The following USP3 variants were observed in gnomAD, a reference collection of about 807,000 sequenced individuals.
USP3 encodes the protein ubiquitin specific peptidase 3, also known as ubiquitin carboxyl-terminal hydrolase 3.
USP3 carries 20 observed loss-of-function variants against 72.3 expected under a neutral mutation model. The ratio of observed to expected loss-of-function variants is 0.28; its 90% CI spans 0.19 to 0.40. The LOEUF (loss-of-function observed/expected upper bound fraction) is 0.40. USP3 is among the 10% of genes least tolerant of loss of function. USP3 has a pLI of 1.00. For missense variants in USP3, 479 were observed against 633.9 expected (o/e 0.76, Z 2.62); for synonymous variants, 222 against 225.3 (o/e 0.99, Z 0.13).
chr15:63,511,410 C>G (rs2065780376), intron 1 of USP3, among the ~76,000 whole-genome samples: 1 of 151,924 alleles, frequency 6.6e-6, no homozygotes, highest in Non-Finnish European at 1.5e-5. Context: ...AGTTCCACAT[C>G]TCAAAAATTA....
chr15:63,563,404 T>C (rs1215863741), intron 8 of USP3, among the ~76,000 whole-genome samples: 1 of 152,230 alleles, frequency 6.6e-6, no homozygotes, highest in Non-Finnish European at 1.5e-5. Context: ...TGGTATTATA[T>C]GAACTGTTCG....
chr15:63,522,190 ATGACTTCTAGTCT>A (rs1355537229), intron 1 of USP3, among the ~76,000 whole-genome samples: 5 of 152,310 alleles, frequency 3.3e-5, no homozygotes, highest in Middle Eastern at 3.4e-3. Context: ...CAGGCGATTA[ATGACTTCTAGTCT>A]TTTGTTCCAG....
At chr15:63,560,111 A>T (rs2066581650) in intron 7 of USP3, 141 bp downstream of exon 7, 1 of 732,350 alleles carries the variant, frequency 1.4e-6, no homozygotes, top group African/African-American at 1.8e-5. Context: ...ATATCTAGTT[A>T]GCAATCTTAA....
At chr15:63,549,625 G>A (rs2066406541) in intron 3 of USP3, among the ~76,000 whole-genome samples, 2 of 152,054 alleles carry the variant, frequency 1.3e-5, no homozygotes, top group Admixed American at 6.6e-5. Flanking sequence ...TACGATCATT[G>A]ATTTGTATTA....
chr15:63,587,668 T>A (rs1315976772), intron 11 of USP3: 1 of 152,218 alleles, frequency 6.6e-6, no homozygotes, highest in Non-Finnish European at 1.5e-5. Context: ...TTTGGTGTAG[T>A]GTAAAAGCAG....
intron 3 of USP3, among the ~76,000 whole-genome samples, chr15:63,550,439 C>G (rs2066420383): frequency 6.6e-6 from 1 of 152,214 alleles, no homozygotes; most frequent in Non-Finnish European, 1.5e-5. Context: ...TGTTGGAACA[C>G]TGTCTTGCTG....
intron 5 of USP3, chr15:63,556,949 C>T (rs2152671317): frequency 1.9e-5 from 9 of 474,034 alleles, no homozygotes; most frequent in Middle Eastern, 1.2e-3. Context: ...GCACCTTCTT[C>T]CCATCAGCGT....
At chr15:63,577,989 A>G (rs971306671) in intron 11 of USP3, among the ~76,000 whole-genome samples, 3 of 151,982 alleles carry the variant, frequency 2.0e-5, no homozygotes, top group African/African-American at 7.2e-5. Flanking sequence ...ATTACTGATT[A>G]AAAGGAGAAG....
At chr15:63,582,715 A>T (rs946811427) in intron 11 of USP3, among the ~76,000 whole-genome samples, 1 of 152,178 alleles carries the variant, frequency 6.6e-6, no homozygotes, top group Admixed American at 6.5e-5. Context: ...GAAAGCAAGA[A>T]GATGCTGGAA....
At position 63,574,252 on chromosome 15, in the gene USP3, G is replaced by T; in HGVS notation, c.1016-71G>T. 6.9e-7 allele frequency: 1 copy of T among 1,442,608 alleles called. No individual in the cohort carries two copies. 89.4% of individuals were successfully genotyped at this position (1,442,608 alleles called of 1,614,324 possible). A position where few individuals can be genotyped will look rare whatever the true frequency, so the allele number is the denominator to read the frequency against. Reference sequence around the variant, plus strand: ...TAAAGAGAAATCTAGAAATACATCAGTTTGTGAAATTATTTTGAATGGACA... The same window carrying T: ...TAAAGAGAAATCTAGAAATACATCATTTTGTGAAATTATTTTGAATGGACA... On this transcript the variant is annotated intron_variant, in intron 10 of 14. Transcript: ENST00000380324. The surrounding 1 kb of genome is among the most constrained non-coding windows in gnomAD (Gnocchi z 4.6).
At chr15:63,557,112 C>T (rs1222752158) in intron 5 of USP3, 1 of 168,756 alleles carries the variant, frequency 5.9e-6, no homozygotes, top group Non-Finnish European at 1.3e-5. Flanking sequence ...ACTCCGTAGC[C>T]CAGGCTGGAG....
intron 11 of USP3, among the ~76,000 whole-genome samples, chr15:63,587,387 T>C (rs560657595): frequency 6.6e-6 from 1 of 152,322 alleles, no homozygotes; most frequent in South Asian, 2.1e-4. Flanking sequence ...GCATCAGGAA[T>C]TGGCACAGGG....
At chr15:63,540,821 G>T (rs2066234197) in intron 3 of USP3, among the ~76,000 whole-genome samples, 1 of 152,102 alleles carries the variant, frequency 6.6e-6, no homozygotes, top group Non-Finnish European at 1.5e-5. Context: ...GAAAATGAAA[G>T]GTAAATTAAG....
At chr15:63,514,194 TTA>T (rs2065823128) in intron 1 of USP3, among the ~76,000 whole-genome samples, 1 of 152,174 alleles carries the variant, frequency 6.6e-6, no homozygotes. Flanking sequence ...AATGTTTTGT[TTA>T]TATATAGTTT....
At chr15:63,518,834 C>T (rs541442709) in intron 1 of USP3, among the ~76,000 whole-genome samples, 5 of 152,000 alleles carry the variant, frequency 3.3e-5, no homozygotes, top group South Asian at 4.2e-4. Flanking sequence ...GGCGTGATCT[C>T]GGCTCACTGC....
chr15:63,511,110 CTAATT>C (rs941350911), intron 1 of USP3, among the ~76,000 whole-genome samples: 6 of 151,450 alleles, frequency 4.0e-5, no homozygotes, highest in Non-Finnish European at 5.9e-5. Flanking sequence ...TTAATCCTGA[CTAATT>C]TAATTAATTA....
intron 1 of USP3, among the ~76,000 whole-genome samples, chr15:63,519,937 AC>A (rs1283703036): frequency 2.6e-5 from 4 of 151,958 alleles, no homozygotes; most frequent in Non-Finnish European, 2.9e-5. Flanking sequence ...TGGTGGGAGC[AC>A]CCTTAAGCTG....
chr15:63,512,714 A>C (rs903198860), intron 1 of USP3, among the ~76,000 whole-genome samples: 5 of 152,142 alleles, frequency 3.3e-5, no homozygotes, highest in African/African-American at 1.2e-4. Context: ...AAATACTGGG[A>C]TTACAGGTGT....
chr15:63,536,966 C>G (rs1484330370), intron 2 of USP3, 59 bp from the exon 3 acceptor site: 3 of 1,518,586 alleles, frequency 2.0e-6, no homozygotes, highest in Non-Finnish European at 1.8e-6. Flanking sequence ...TTCATCATTT[C>G]CTACTCCTTT....
Sources: allele counts gnomAD v4.1 joint callset (sites outside exome capture counted in the v4.1 genomes callset), GRCh38; gene constraint gnomAD v4.1.1; non-coding constraint Gnocchi (gnomAD v3.1); transcripts MANE v1.5; gene names NCBI Gene and HGNC (gene_info 2026-07-23, HGNC 2026-07-21).